The following MTPAP variants were observed in gnomAD, a reference collection of about 807,000 sequenced individuals.
MTPAP encodes poly(A) RNA polymerase, mitochondrial.
In MTPAP, 23 loss-of-function variants were observed where a neutral mutation model predicts 48.7. That is an observed-to-expected ratio of 0.47 (90% CI 0.34 to 0.67). MTPAP has a LOEUF of 0.67. Among genes scored for constraint, MTPAP ranks in the 30% least tolerant of loss-of-function variants. The probability of loss-of-function intolerance (pLI) is 0.01; values close to 1 mark genes in which losing one functional copy is unlikely to be tolerated. For missense variants in MTPAP, 614 were observed against 694.3 expected (o/e 0.88, Z 1.30); for synonymous variants, 257 against 254.1 (o/e 1.01, Z -0.11).
At chr10:30,324,255 C>A (rs998847982) in intron 5 of MTPAP, among the ~76,000 whole-genome samples, 1 of 152,098 alleles carries the variant, frequency 6.6e-6, no homozygotes, top group African/African-American at 2.4e-5. Flanking sequence ...CTGTGGCTCA[C>A]GCCTGTAGTC....
intron 1 of MTPAP, among the ~76,000 whole-genome samples, chr10:30,348,426 GAC>G (rs1280606108): frequency 6.6e-6 from 1 of 152,150 alleles, no homozygotes; most frequent in Non-Finnish European, 1.5e-5. Flanking sequence ...CTGTAAAATG[GAC>G]ACAGTGATAC....
intron 1 of MTPAP, among the ~76,000 whole-genome samples, chr10:30,348,328 T>C (rs977923307): frequency 2.6e-5 from 4 of 152,240 alleles, no homozygotes; most frequent in East Asian, 1.9e-4. Flanking sequence ...AGTCAATACA[T>C]TTTGTTTAAT....
chr10:30,339,085 T>A (rs112454617), intron 3 of MTPAP, among the ~76,000 whole-genome samples: 15,010 of 152,094 alleles, frequency 0.099, 992 homozygotes, highest in Non-Finnish European at 0.12. Context: ...ATCACGCCAC[T>A]GCACTCCAGC....
Position 30,318,827 on chromosome 10 carries a change from CA to C in MTPAP, c.1220-2618del, listed in dbSNP as rs139895824. Among the ~76,000 whole-genome samples the C allele has an allele frequency of 5.7e-3, 875 of 152,252 alleles. 2 individuals are homozygous for C. The highest frequency in any genetic ancestry group is 9.4e-3 in the Non-Finnish European group (642 of 68,028). Reference sequence around the variant, plus strand: ...GAGAACAGAAGACGCAGAGGTGAAGCAGACAGCTAGCCCTAGAAAAGCTTGA... The same window carrying C: ...GAGAACAGAAGACGCAGAGGTGAAGCGACAGCTAGCCCTAGAAAAGCTTGA... On this transcript the variant is annotated intron_variant, in intron 6 of 8. Coordinates refer to ENST00000263063, the MANE Select transcript of MTPAP (RefSeq NM_018109.4).
At position 30,317,699 on chromosome 10, in the gene MTPAP, T is replaced by A. The variant is rs1320758222; in HGVS notation, c.1220-1489A>T. ...CACCATTTGACTTATCTGACTGCAT[T>A]GTGACTGTTTGTATGCTGTCCACTC... On this transcript the variant is annotated intron_variant, in intron 6 of 8. Transcript: ENST00000263063. Among the ~76,000 whole-genome samples, 4 of 152,132 alleles carry A rather than the reference T, an allele frequency of 2.6e-5. No individual in the cohort carries two copies. The East Asian group carries it at 7.7e-4, about 29-fold the overall frequency.
At chr10:30,319,163 C>A (rs1840694279) in intron 6 of MTPAP, among the ~76,000 whole-genome samples, 1 of 152,062 alleles carries the variant, frequency 6.6e-6, no homozygotes, top group Admixed American at 6.6e-5. Context: ...TCAAGAGTGG[C>A]TAAAGCTCCC....
chr10:30,325,150 A>C (rs537408508), intron 5 of MTPAP, among the ~76,000 whole-genome samples: 12 of 152,180 alleles, frequency 7.9e-5, no homozygotes, highest in Non-Finnish European at 1.8e-4. Flanking sequence ...TACAAAGATA[A>C]ATGTAATTTT....
At chr10:30,326,777 T>C (rs1420310867) in intron 4 of MTPAP, 142 bp from the exon 5 acceptor site, 3 of 686,308 alleles carry the variant, frequency 4.4e-6, no homozygotes, top group Admixed American at 5.8e-5. Flanking sequence ...TAAAAACTCT[T>C]CAAGAAATCA....
chr10:30,331,202 TCA>T (rs1192370233), intron 4 of MTPAP, among the ~76,000 whole-genome samples: 1 of 152,218 alleles, frequency 6.6e-6, no homozygotes, highest in East Asian at 1.9e-4. Context: ...GAAAAACTGT[TCA>T]CAGACAGTTA....
intron 2 of MTPAP, among the ~76,000 whole-genome samples, chr10:30,340,850 C>A (rs1312802253): frequency 6.6e-6 from 1 of 151,888 alleles, no homozygotes; most frequent in Admixed American, 6.6e-5. Flanking sequence ...ACCCAAGAGA[C>A]GGAGGTTGCA....
rs138841050 is a variant in MTPAP at position 30,337,206 on chromosome 10, C to T, written c.556-179G>A. ...TTGGGAGGCCAAGGCAGGTGGATCACCTGAGGCCGGAATTTCGCGACCAGC... is the reference window on the plus strand; with the variant it reads ...TTGGGAGGCCAAGGCAGGTGGATCATCTGAGGCCGGAATTTCGCGACCAGC... On this transcript the variant is annotated intron_variant, in intron 3 of 8. Transcript: ENST00000263063. Among the ~76,000 whole-genome samples the T allele has an allele frequency of 1.2e-3, 186 of 152,208 alleles. 3 individuals carry two copies. The highest frequency in any genetic ancestry group is 3.8e-3 in the African/African-American group (159 of 41,528).
chr10:30,334,543 C>A (rs144295237), intron 4 of MTPAP, among the ~76,000 whole-genome samples: 2 of 152,010 alleles, frequency 1.3e-5, no homozygotes, highest in Non-Finnish European at 2.9e-5. Flanking sequence ...TGCCTGAAGT[C>A]CCAGCTACAC....
intron 3 of MTPAP, among the ~76,000 whole-genome samples, chr10:30,339,457 T>C (rs1289806699): frequency 7.9e-6 from 1 of 126,398 alleles, no homozygotes. Context: ...CACTCCAGCC[T>C]GGGCAAGAGC....
chr10:30,326,545 A>ACTCT lies in MTPAP; in HGVS notation c.867_870dup (p.Cys291ArgfsTer4). 3 of 1,614,122 alleles carry ACTCT rather than the reference A, an allele frequency of 1.9e-6. No individual in the cohort carries two copies. The highest frequency in any genetic ancestry group is 2.5e-6 in the Non-Finnish European group (3 of 1,179,982). On this transcript the variant is annotated frameshift_variant, in exon 5 of 9. Coordinates refer to ENST00000263063, the MANE Select transcript of MTPAP (RefSeq NM_018109.4). LOFTEE classifies it high-confidence loss of function. The stretch of plus-strand genomic sequence containing the variant: ...CAGCCAGGGCCAAAGTGGTCAAGGC[A>ACTCT]CTCTCCTAACACAGACAGGATCTTC...
chr10:30,322,894 T>A (rs186559396), intron 5 of MTPAP, among the ~76,000 whole-genome samples: 1 of 152,126 alleles, frequency 6.6e-6, no homozygotes, highest in Non-Finnish European at 1.5e-5. Context: ...CCTAGCACTC[T>A]GGGAGGCCGA....
At chr10:30,326,113 T>C (rs1285762134) in intron 5 of MTPAP, among the ~76,000 whole-genome samples, 1 of 152,160 alleles carries the variant, frequency 6.6e-6, no homozygotes, top group Non-Finnish European at 1.5e-5. Flanking sequence ...AAATTTCTCC[T>C]AAAAAATAGG....
At position 30,335,224 on chromosome 10, in the gene MTPAP, C is replaced by T. The variant is rs1463154487; in HGVS notation, c.780+1579G>A. Among the ~76,000 whole-genome samples the T allele has an allele frequency of 5.9e-5, 9 of 152,288 alleles. No homozygotes were observed. In the South Asian group the frequency reaches 6.2e-4, roughly 11 times the overall value. ...AGCCTTGGCCGCGTGTGGTGACTCA[C>T]GCCTGTAATCCCAGCACTTTTGGGA... On this transcript the variant is annotated intron_variant, in intron 4 of 8. Coordinates refer to ENST00000263063, the MANE Select transcript of MTPAP (RefSeq NM_018109.4).
At chr10:30,321,866 C>T (rs1840729845) in intron 6 of MTPAP, among the ~76,000 whole-genome samples, 1 of 152,170 alleles carries the variant, frequency 6.6e-6, no homozygotes, top group South Asian at 2.1e-4. Flanking sequence ...ACAAGAATCA[C>T]TTGAATCTGG....
intron 4 of MTPAP, among the ~76,000 whole-genome samples, chr10:30,333,825 C>A (rs899045664): frequency 1.3e-5 from 2 of 151,944 alleles, no homozygotes; most frequent in African/African-American, 4.8e-5. Flanking sequence ...TTGCTTGAGC[C>A]CAGGAGGCAG....
Sources: allele counts gnomAD v4.1 joint callset (sites outside exome capture counted in the v4.1 genomes callset), GRCh38; gene constraint gnomAD v4.1.1; transcripts MANE v1.5; gene names NCBI Gene and HGNC (gene_info 2026-07-23, HGNC 2026-07-21).